CENPP: variants seen among roughly 807,000 people sequenced by gnomAD.
CENPP encodes centromere protein P.
CENPP carries 24 observed loss-of-function variants against 35.6 expected under a neutral mutation model. The ratio of observed to expected loss-of-function variants is 0.67; its 90% CI spans 0.49 to 0.95. The LOEUF (loss-of-function observed/expected upper bound fraction) is 0.95. Among genes scored for constraint, CENPP ranks in the 40% least tolerant of loss-of-function variants. CENPP has a pLI of 0.00. For synonymous variants in CENPP, 120 were observed against 125.5 expected, an observed-to-expected ratio of 0.96 and a Z score of 0.29; for missense variants, 332 against 345.3, an observed-to-expected ratio of 0.96 and a Z score of 0.31.
chr9:92,462,395 C>T (rs762634300), intron 5 of CENPP, among the ~76,000 whole-genome samples: 5 of 152,122 alleles, frequency 3.3e-5, no homozygotes, highest in Admixed American at 6.6e-5. Flanking sequence ...CATATCCTGA[C>T]CCCCACTCTC....
At chr9:92,452,527 C>G (rs1844742798) in intron 5 of CENPP, among the ~76,000 whole-genome samples, 1 of 152,148 alleles carries the variant, frequency 6.6e-6, no homozygotes, top group African/African-American at 2.4e-5. Context: ...ATTTTTGCAT[C>G]AAAGTTCATC....
At chr9:92,518,998 A>T (rs1847900438) in intron 5 of CENPP, among the ~76,000 whole-genome samples, 1 of 152,234 alleles carries the variant, frequency 6.6e-6, no homozygotes, top group Non-Finnish European at 1.5e-5. Flanking sequence ...GCCATTAGAA[A>T]GCTGAGGAGA....
chr9:92,350,332 T>TA (rs1564272875), intron 4 of CENPP, among the ~76,000 whole-genome samples: 1 of 152,232 alleles, frequency 6.6e-6, no homozygotes, highest in Non-Finnish European at 1.5e-5. Context: ...CAGTCATTCT[T>TA]ACAGCTGTGA....
intron 5 of CENPP, among the ~76,000 whole-genome samples, chr9:92,604,466 G>T (rs1211750770): frequency 6.6e-6 from 1 of 152,158 alleles, no homozygotes; most frequent in South Asian, 2.1e-4. Context: ...CTCAGTCTGA[G>T]GTTGGCCTTT....
In CENPP at chr9:92,612,625, G is replaced by C. The variant is rs1851295894; in HGVS notation, c.736+11G>C. The C allele has an allele frequency of 6.2e-7, 1 of 1,606,220 alleles. No homozygotes were observed. On this transcript the variant is annotated intron_variant, in intron 7 of 7. Coordinates refer to ENST00000375587, the MANE Select transcript of CENPP (RefSeq NM_001012267.3). The stretch of plus-strand genomic sequence containing the variant: ...AAGTCCCACAGCGAGGTAGGGCCCT[G>C]GGTGTGGCTGCTCTAGGTGACTTCT...
At chr9:92,583,453 TTC>T (rs1850475365) in intron 5 of CENPP, among the ~76,000 whole-genome samples, 1 of 152,212 alleles carries the variant, frequency 6.6e-6, no homozygotes, top group African/African-American at 2.4e-5. Flanking sequence ...TTTGATTATT[TTC>T]TGTTTCATTC....
chr9:92,331,804 GA>G (rs1279820253), intron 1 of CENPP, among the ~76,000 whole-genome samples: 5 of 151,166 alleles, frequency 3.3e-5, no homozygotes, highest in African/African-American at 7.3e-5. Flanking sequence ...CTATGAGAAG[GA>G]AAAAAAAATT....
intron 5 of CENPP, among the ~76,000 whole-genome samples, chr9:92,477,121 C>T (rs529106651): frequency 1.9e-4 from 29 of 152,286 alleles, no homozygotes; most frequent in Middle Eastern, 3.4e-3. Flanking sequence ...AGGTGGAAAT[C>T]ACCAACTGTG....
chr9:92,593,787 C>T lies in CENPP; in HGVS notation c.565-17527C>T, dbSNP rs1039224271. Among the ~76,000 whole-genome samples the T allele has an allele frequency of 1.3e-5, 2 of 152,012 alleles. No homozygotes were observed. Among genetic ancestry groups the T allele is most frequent in the Admixed American group, 6.6e-5 (1 of 15,258 alleles). ...ATAAGTTTTTTTCTTTAAATTCTTT[C>T]GGTAAAAAATGGGAGCCACTTATTA... On this transcript the variant is annotated intron_variant, in intron 5 of 7. Coordinates refer to ENST00000375587, the MANE Select transcript of CENPP (RefSeq NM_001012267.3). The surrounding 1 kb of genome is among the most constrained non-coding windows in gnomAD (Gnocchi z 4.1).
intron 5 of CENPP, among the ~76,000 whole-genome samples, chr9:92,454,616 A>G (rs1338296510): frequency 1.3e-5 from 2 of 152,138 alleles, no homozygotes; most frequent in Non-Finnish European, 2.9e-5. Context: ...GTTTTCTTTT[A>G]TCTTTAAGGA....
chr9:92,339,945 T>A lies in CENPP; in HGVS notation c.378+2316T>A, dbSNP rs544106677. 1.9e-5 allele frequency: 3 copies of A among 153,898 alleles called. No individual in the cohort carries two copies. The South Asian group carries it at 6.2e-4, about 32-fold the overall frequency. 9.5% of individuals were successfully genotyped at this position (153,898 alleles called of 1,614,324 possible). On this transcript the variant is annotated intron_variant, in intron 3 of 7. Coordinates refer to ENST00000375587, the MANE Select transcript of CENPP (RefSeq NM_001012267.3). ...TGTGAACTTGACCTGAGAGTGGTAA[T>A]CTACTGAATGCTCTTCTGTATGCTG...
intron 5 of CENPP, among the ~76,000 whole-genome samples, chr9:92,609,127 T>C (rs879875902): frequency 2.6e-5 from 4 of 152,250 alleles, no homozygotes; most frequent in African/African-American, 9.6e-5. Flanking sequence ...ATCACTTAGG[T>C]ATACATTTTC....
At chr9:92,415,275 C>T (rs1564308415) in intron 5 of CENPP, 1 of 1,613,718 alleles carries the variant, frequency 6.2e-7, no homozygotes, top group African/African-American at 1.3e-5. Flanking sequence ...CTGGAAATCT[C>T]CTGAAAACTT....
intron 4 of CENPP, among the ~76,000 whole-genome samples, chr9:92,357,351 C>T (rs1841616203): frequency 6.6e-6 from 1 of 151,632 alleles, no homozygotes; most frequent in African/African-American, 2.4e-5. Context: ...TAATGATAAC[C>T]AACTCCCTCA....
At chr9:92,522,591 A>G (rs9299405) in intron 5 of CENPP, 459,856 of 1,611,286 alleles carry the variant, frequency 0.29, 73,827 homozygotes, top group African/African-American at 0.68. Flanking sequence ...ACACATTATA[A>G]CTTGATTCTA....
intron 4 of CENPP, among the ~76,000 whole-genome samples, chr9:92,352,306 G>A (rs1400485091): frequency 6.7e-6 from 1 of 150,084 alleles, no homozygotes; most frequent in Non-Finnish European, 1.5e-5. Flanking sequence ...GGAGGCGGAG[G>A]TTGCAGTGAA....
intron 5 of CENPP, among the ~76,000 whole-genome samples, chr9:92,464,536 CTG>C (rs1463211194): frequency 6.6e-6 from 1 of 152,254 alleles, no homozygotes; most frequent in Non-Finnish European, 1.5e-5. Context: ...TCACCTCAAA[CTG>C]TGGCTAAATG....
At chr9:92,376,282 G>T (rs7026361) in intron 4 of CENPP, among the ~76,000 whole-genome samples, 72,354 of 152,086 alleles carry the variant, frequency 0.48, 20,747 homozygotes, top group African/African-American at 0.81. Context: ...TCTCAACTGT[G>T]CTTTTGCCCT....
chr9:92,509,049 A>G (rs182767108), intron 5 of CENPP, among the ~76,000 whole-genome samples: 6 of 151,960 alleles, frequency 3.9e-5, no homozygotes, highest in African/African-American at 1.4e-4. Flanking sequence ...CCTCTTCTAT[A>G]CAGAGTCACA....
Sources: gnomAD v4.1 joint callset for allele counts (sites outside exome capture counted in the v4.1 genomes callset) on GRCh38, gnomAD v4.1.1 for gene constraint, Gnocchi (gnomAD v3.1) non-coding constraint, MANE v1.5 for transcripts, NCBI Gene and HGNC (gene_info 2026-07-23, HGNC 2026-07-21) for gene names.